The following TSC1 variants were observed in gnomAD, a reference collection of about 807,000 sequenced individuals.
TSC1 encodes TSC complex subunit 1, also known as hamartin.
TSC1 carries 20 observed loss-of-function variants against 124.3 expected under a neutral mutation model. The ratio of observed to expected loss-of-function variants is 0.16; its 90% CI spans 0.11 to 0.23. The LOEUF is 0.23. Among genes scored for constraint, TSC1 ranks in the 10% least tolerant of loss-of-function variants. The probability of loss-of-function intolerance (pLI) is 1.00; values close to 1 mark genes in which losing one functional copy is unlikely to be tolerated. For synonymous variants in TSC1, 493 were observed against 539.1 expected (o/e 0.91, Z 1.19); for missense variants, 1,124 against 1,448.5 (o/e 0.78, Z 3.64).
chr9:132,941,975 A>G (rs1224198717), intron 1 of TSC1: 2 of 152,234 alleles, frequency 1.3e-5, no homozygotes, highest in Non-Finnish European at 1.5e-5. Flanking sequence ...CTCTCTAGAA[A>G]AGCCTGAAAT....
intron 15 of TSC1, among the ~76,000 whole-genome samples, chr9:132,904,709 G>A (rs1282923815): frequency 1.3e-5 from 2 of 152,202 alleles, no homozygotes; most frequent in African/African-American, 4.8e-5. Flanking sequence ...CAAATCCAGA[G>A]CGGAGAGGGT....
At chr9:132,910,189 T>C in intron 12 of TSC1, 1 of 428,180 alleles carries the variant, frequency 2.3e-6, no homozygotes, top group Non-Finnish European at 4.2e-6. Context: ...TAGTCCCAGC[T>C]ACTAGCGAGG....
At chr9:132,907,519 C>T (rs1381988724) in intron 12 of TSC1, 149 bp from the exon 13 acceptor site, 7 of 711,696 alleles carry the variant, frequency 9.8e-6, no homozygotes, top group East Asian at 5.7e-5. Context: ...GGTGGAGTTT[C>T]GCTCTTGTTG....
Position 132,896,224 on chromosome 9 carries a change from A to G in TSC1, c.*11T>C. 6.2e-7 allele frequency: 1 copy of G among 1,614,160 alleles called. No homozygotes were observed. Among genetic ancestry groups the G allele is most frequent in the Non-Finnish European group, 8.5e-7 (1 of 1,180,020 alleles). ...ACAATATGCAAGTTAACACTGATTG[A>G]CCATCATTCCTTAGCTGTGTTCATG... On this transcript the variant is annotated 3_prime_UTR_variant, in exon 23 of 23. Coordinates refer to ENST00000298552, the MANE Select transcript of TSC1 (RefSeq NM_000368.5). The surrounding 1 kb of genome is among the most constrained non-coding windows in gnomAD (Gnocchi z 4.5).
At position 132,928,580 on chromosome 9, in the gene TSC1, C is replaced by A. The variant is rs79398892; in HGVS notation, c.106+187G>T. Among the ~76,000 whole-genome samples the A allele has an allele frequency of 2.5e-3, 377 of 152,258 alleles. 2 individuals are homozygous for A. The highest frequency in any genetic ancestry group is 8.5e-3 in the African/African-American group (355 of 41,544). ...CATGGGGTTCACTGCATGATTCTTA[C>A]TTCATGTGTGTGCATACTTGAGTAT... On this transcript the variant is annotated intron_variant, in intron 3 of 22. Coordinates refer to ENST00000298552, the MANE Select transcript of TSC1 (RefSeq NM_000368.5).
chr9:132,914,887 T>C lies in TSC1; in HGVS notation c.738-2430A>G, dbSNP rs371318374. ...CTGAAAAAAAGAGAAAAGAAAATCA[T>C]GCTTTCAGCTGGGCATGGTGGCTCA... On this transcript the variant is annotated intron_variant, in intron 8 of 22. Coordinates refer to ENST00000298552, the MANE Select transcript of TSC1 (RefSeq NM_000368.5). Among the ~76,000 whole-genome samples, 7 of 151,396 alleles carry C rather than the reference T, an allele frequency of 4.6e-5. No homozygotes were observed. In the East Asian group the frequency reaches 7.8e-4, roughly 17 times the overall value.
In TSC1 at chr9:132,892,238, C is replaced by T. The variant is rs148982924; in HGVS notation, c.*3997G>A. 5.7e-4 allele frequency: 134 copies of T among 233,360 alleles called. No homozygotes were observed. The highest frequency in any genetic ancestry group is 9.0e-4 in the Non-Finnish European group (106 of 118,124). The allele number at this position is 233,360 out of a possible 1,614,324, so 14.5% of individuals were successfully genotyped here. The stretch of plus-strand genomic sequence containing the variant: ...CAGCAGCAGCCTAGGGGCCAGTCCT[C>T]GACCTAAACTTGTTCTTTCACCTAC... On this transcript the variant is annotated 3_prime_UTR_variant, in exon 23 of 23. Coordinates refer to ENST00000298552, the MANE Select transcript of TSC1 (RefSeq NM_000368.5).
chr9:132,926,010 C>G (rs528028900), intron 4 of TSC1: 22 of 473,712 alleles, frequency 4.6e-5, no homozygotes, highest in South Asian at 4.2e-4. Context: ...TGTTCACAGC[C>G]CCTCAATAAC....
intron 20 of TSC1, chr9:132,899,149 T>C (rs2284903): frequency 6.6e-6 from 1 of 152,218 alleles, no homozygotes; most frequent in South Asian, 2.1e-4. Flanking sequence ...GATGGTCTCG[T>C]TCTCCTAACC....
intron 2 of TSC1, among the ~76,000 whole-genome samples, chr9:132,934,809 G>C (rs1408037836): frequency 6.6e-6 from 1 of 152,244 alleles, no homozygotes; most frequent in Admixed American, 6.5e-5. Context: ...CAAAAGCGTG[G>C]CTGTGAAGAA....
At position 132,892,492 on chromosome 9, in the gene TSC1, C is replaced by G; in HGVS notation, c.*3743G>C. ...CTCCACACCAGGCAGCTTCCTTCTC[C>G]AGGTGGGGCAGAGCCCCCTGGGGGA... On this transcript the variant is annotated 3_prime_UTR_variant, in exon 23 of 23. Coordinates refer to ENST00000298552, the MANE Select transcript of TSC1 (RefSeq NM_000368.5). 1 of 233,384 alleles carries G rather than the reference C, an allele frequency of 4.3e-6. No homozygotes were observed. The highest frequency in any genetic ancestry group is 1.3e-3 in the Middle Eastern group (1 of 788). 14.5% of individuals were successfully genotyped at this position (233,384 alleles called of 1,614,324 possible). A position where few individuals can be genotyped will look rare whatever the true frequency, so the allele number is the denominator to read the frequency against.
chr9:132,914,806 T>C (rs1588333561), intron 8 of TSC1, among the ~76,000 whole-genome samples: 1 of 150,674 alleles, frequency 6.6e-6, no homozygotes, highest in Admixed American at 6.6e-5. Flanking sequence ...AAGGCGGAGG[T>C]TGCAGAGAGC....
In TSC1 at chr9:132,892,604, C is replaced by T; in HGVS notation, c.*3631G>A. 4.3e-6 allele frequency: 1 copy of T among 233,430 alleles called. No homozygotes were observed. Among genetic ancestry groups the T allele is most frequent in the South Asian group, 1.8e-4 (1 of 5,534 alleles). 14.5% of individuals were successfully genotyped at this position (233,430 alleles called of 1,614,324 possible). ...GGGTCTTCGCTCTGCCCAAACCCTC[C>T]TCCAGCCTGTGCAGGCCTCCTCCCA... On this transcript the variant is annotated 3_prime_UTR_variant, in exon 23 of 23. Transcript: ENST00000298552.
chr9:132,925,162 C>T (rs1340553600), intron 5 of TSC1, among the ~76,000 whole-genome samples: 1 of 152,166 alleles, frequency 6.6e-6, no homozygotes, highest in Non-Finnish European at 1.5e-5. Context: ...TTTACATCAA[C>T]AAAGTCTTAA....
chr9:132,938,917 G>C (rs977656120), intron 1 of TSC1, among the ~76,000 whole-genome samples: 1 of 152,056 alleles, frequency 6.6e-6, no homozygotes, highest in African/African-American at 2.4e-5. Flanking sequence ...ATAGGTGACC[G>C]CATATCAATT....
intron 22 of TSC1, among the ~76,000 whole-genome samples, 163 bp downstream of exon 22, chr9:132,897,021 C>T (rs989405896): frequency 6.6e-6 from 1 of 152,092 alleles, no homozygotes; most frequent in Non-Finnish European, 1.5e-5. Flanking sequence ...GATCACTGGG[C>T]GTTTTGAGGA....
In TSC1 at chr9:132,935,080, G is replaced by C. The variant is rs1847388017; in HGVS notation, c.-128C>G. 2.5e-6 allele frequency: 1 copy of C among 398,922 alleles called. No individual in the cohort carries two copies. Among genetic ancestry groups the C allele is most frequent in the African/African-American group, 2.1e-5 (1 of 48,604 alleles). 24.7% of individuals were successfully genotyped at this position (398,922 alleles called of 1,614,324 possible). A position where few individuals can be genotyped will look rare whatever the true frequency, so the allele number is the denominator to read the frequency against. ...TTCAGTTTCCAGTGCTGTCAACCTG[G>C]TGTCTTTCATGGTCACTGAAGGAAG... On this transcript the variant is annotated 5_prime_UTR_variant, in exon 2 of 23. Transcript: ENST00000298552.
upstream of TSC1, chr9:132,944,761 C>G: frequency 2.5e-6 from 1 of 397,192 alleles, no homozygotes; most frequent in Non-Finnish European, 4.4e-6. Context: ...GGCTCTTCCA[C>G]TCATAACTGA....
chr9:132,945,002 G>C (rs928405220), upstream of TSC1, among the ~76,000 whole-genome samples: 3 of 152,144 alleles, frequency 2.0e-5, no homozygotes, highest in Non-Finnish European at 4.4e-5. Flanking sequence ...CAAGCTGGCG[G>C]CGCCTGGGTG....
Sources: gnomAD v4.1 joint callset for allele counts (sites outside exome capture counted in the v4.1 genomes callset) on GRCh38, gnomAD v4.1.1 for gene constraint, Gnocchi (gnomAD v3.1) non-coding constraint, MANE v1.5 for transcripts, NCBI Gene and HGNC (gene_info 2026-07-23, HGNC 2026-07-21) for gene names.